Variants in FAM222B observed in about 807,000 individuals in gnomAD.
FAM222B encodes family with sequence similarity 222 member B.
A neutral mutation model predicts 38.0 loss-of-function variants in FAM222B; 12 were observed. The ratio of observed to expected loss-of-function variants is 0.32; its 90% CI spans 0.20 to 0.51. The LOEUF is 0.51. Ranked by LOEUF, FAM222B falls within the 20% of genes least tolerant of loss-of-function variation. The pLI is 0.97. For synonymous variants in FAM222B, 329 were observed against 317.2 expected (o/e 1.04, Z -0.40); for missense variants, 716 against 754.2 (o/e 0.95, Z 0.59).
At chr17:28,817,488 C>T (rs1567880920) in intron 1 of FAM222B, among the ~76,000 whole-genome samples, 1 of 151,546 alleles carries the variant, frequency 6.6e-6, no homozygotes, top group African/African-American at 2.4e-5. Flanking sequence ...CTTTGGGAGG[C>T]CGAGGCTGGA....
Position 28,759,009 on chromosome 17 carries a change from G to A in FAM222B, c.950C>T (p.Thr317Ile), listed in dbSNP as rs1028301133. The A allele has an allele frequency of 1.2e-6, 2 of 1,612,946 alleles. No homozygotes were observed. Among genetic ancestry groups the A allele is most frequent in the African/African-American group, 1.3e-5 (1 of 74,940 alleles). ...STRVSTHSVP[T>I]PMPSCVVNPM... Reference sequence around the variant, plus strand: ...ATTGACCACACATGAAGGCATTGGTGTGGGGACGCTGTGGGTCGACACCCG... The same window carrying A: ...ATTGACCACACATGAAGGCATTGGTATGGGGACGCTGTGGGTCGACACCCG... Residue 317 changes from threonine to isoleucine, a missense_variant, in exon 3 of 3, where the codon ACA becomes ATA. By Grantham distance (89) the Thr-to-Ile change is moderately conservative (BLOSUM62 -1). Transcript: ENST00000581407. The surrounding 1 kb of genome is among the most constrained non-coding windows in gnomAD (Gnocchi z 4.8).
chr17:28,761,638 A>G (rs527424964), intron 2 of FAM222B, among the ~76,000 whole-genome samples: 31 of 152,036 alleles, frequency 2.0e-4, no homozygotes, highest in Non-Finnish European at 4.3e-4. Context: ...CTGGTTAGCA[A>G]CTCCTGCTCT....
intron 1 of FAM222B, among the ~76,000 whole-genome samples, chr17:28,818,278 C>T (rs2038094369): frequency 6.6e-6 from 1 of 151,966 alleles, no homozygotes; most frequent in African/African-American, 2.4e-5. Flanking sequence ...CCTGTAATCC[C>T]AGCACTTTGG....
At chr17:28,809,401 G>T (rs2037640145) in intron 1 of FAM222B, among the ~76,000 whole-genome samples, 1 of 151,316 alleles carries the variant, frequency 6.6e-6, no homozygotes, top group Non-Finnish European at 1.5e-5. Flanking sequence ...TAAGCAGGTT[G>T]GATAAAAACA....
At chr17:28,812,618 G>A (rs1349952765) in intron 1 of FAM222B, among the ~76,000 whole-genome samples, 2 of 152,104 alleles carry the variant, frequency 1.3e-5, no homozygotes, top group Non-Finnish European at 2.9e-5. Flanking sequence ...CCCGCTACCC[G>A]CGGACCCGGC....
At chr17:28,832,652 A>C (rs1052179414) in intron 1 of FAM222B, among the ~76,000 whole-genome samples, 10 of 152,212 alleles carry the variant, frequency 6.6e-5, no homozygotes, top group Non-Finnish European at 2.9e-5. Flanking sequence ...TATAATTGAG[A>C]GTTAACTTGT....
Position 28,815,509 on chromosome 17 carries a change from C to T in FAM222B, c.-41+27173G>A, listed in dbSNP as rs573640793. Among the ~76,000 whole-genome samples the T allele has an allele frequency of 5.9e-5, 9 of 151,974 alleles. No individual in the cohort carries two copies. The South Asian group carries it at 1.5e-3, about 25-fold the overall frequency. Reference sequence around the variant, plus strand: ...GATTACAGGCGTGAGCCACCGTGCCCGGCCTTTATTACATCTTTTAAAAAA... The same window carrying T: ...GATTACAGGCGTGAGCCACCGTGCCTGGCCTTTATTACATCTTTTAAAAAA... On this transcript the variant is annotated intron_variant, in intron 1 of 2. Coordinates refer to ENST00000581407, the MANE Select transcript of FAM222B (RefSeq NM_001077498.3).
At chr17:28,822,896 T>C (rs1469217367) in intron 1 of FAM222B, among the ~76,000 whole-genome samples, 1 of 123,412 alleles carries the variant, frequency 8.1e-6, no homozygotes, top group Admixed American at 9.4e-5. Context: ...CACACACATA[T>C]ATGAATATAG....
intron 1 of FAM222B, among the ~76,000 whole-genome samples, chr17:28,798,653 G>A (rs200691891): frequency 1.0e-5 from 1 of 96,354 alleles, no homozygotes; most frequent in Non-Finnish European, 2.4e-5. Flanking sequence ...TTTTTTTTTT[G>A]AAACGGAGTC....
rs145166376 is a variant in FAM222B, at chr17:28,770,365, T to C, written c.-40-3658A>G. On this transcript the variant is annotated intron_variant, in intron 1 of 2. Transcript: ENST00000581407. ...CAGAGCCCAGGACTGAAACCTAGAT[T>C]TGACTTTTCCCAAAGCCTGTGGCTC... Among the ~76,000 whole-genome samples the C allele has an allele frequency of 6.6e-5, 10 of 152,336 alleles. No homozygotes were observed. In the East Asian group the frequency reaches 1.3e-3, roughly 21 times the overall value.
rs559624246 is a variant in FAM222B, at chr17:28,784,491, TAAAAAAAAAAAAAAAAAAAAAAAA to T, written c.-40-17808_-40-17785del. Among the ~76,000 whole-genome samples, 100 of 36,052 alleles carry T rather than the reference TAAAAAAAAAAAAAAAAAAAAAAAA, an allele frequency of 2.8e-3. 2 individuals carry two copies. The highest frequency in any genetic ancestry group is 0.02 in the East Asian group (18 of 916). The allele number at this position is 36,052 out of a possible 152,430, so 23.7% of individuals were successfully genotyped here. ...AACAACAGAGTAAGATCCCCTCTCTTAAAAAAAAAAAAAAAAAAAAAAAAAAAAAAAAAAAAAAAAGGCAATAAT... is the reference window on the plus strand; with the variant it reads ...AACAACAGAGTAAGATCCCCTCTCTTAAAAAAAAAAAAAAAAGGCAATAAT... On this transcript the variant is annotated intron_variant, in intron 1 of 2. Coordinates refer to ENST00000581407, the MANE Select transcript of FAM222B (RefSeq NM_001077498.3).
At chr17:28,825,662 G>T (rs953999105) in intron 1 of FAM222B, among the ~76,000 whole-genome samples, 1 of 152,026 alleles carries the variant, frequency 6.6e-6, no homozygotes, top group African/African-American at 2.4e-5. Context: ...TATACTCCTA[G>T]ATCTTAAATG....
intron 1 of FAM222B, among the ~76,000 whole-genome samples, chr17:28,798,012 G>A (rs915821759): frequency 2.6e-5 from 4 of 151,990 alleles, no homozygotes; most frequent in Non-Finnish European, 5.9e-5. Context: ...AGCCATGATC[G>A]TGCCATTACA....
chr17:28,798,174 G>A (rs2037033379), intron 1 of FAM222B, among the ~76,000 whole-genome samples: 1 of 152,124 alleles, frequency 6.6e-6, no homozygotes, highest in South Asian at 2.1e-4. Flanking sequence ...GCAGACTGCA[G>A]GAGTCCAAGA....
intron 1 of FAM222B, among the ~76,000 whole-genome samples, chr17:28,797,680 CT>C (rs1380430411): frequency 6.6e-6 from 1 of 152,054 alleles, no homozygotes; most frequent in Non-Finnish European, 1.5e-5. Flanking sequence ...TTTCAAAGTG[CT>C]TTTTCACATG....
intron 1 of FAM222B, among the ~76,000 whole-genome samples, chr17:28,767,736 A>G (rs981188191): frequency 6.6e-6 from 1 of 152,118 alleles, no homozygotes; most frequent in Non-Finnish European, 1.5e-5. Flanking sequence ...TCAGCTTCCC[A>G]AAGTGCTGTG....
chr17:28,838,081 C>T (rs2038911294), intron 1 of FAM222B, among the ~76,000 whole-genome samples: 1 of 151,968 alleles, frequency 6.6e-6, no homozygotes, highest in African/African-American at 2.4e-5. Flanking sequence ...GACTGGCCAG[C>T]ATGGTGAAAC....
Position 28,841,227 on chromosome 17 carries a change from G to A in FAM222B, c.-41+1455C>T, listed in dbSNP as rs887222023. On this transcript the variant is annotated intron_variant, in intron 1 of 2. Coordinates refer to ENST00000581407, the MANE Select transcript of FAM222B (RefSeq NM_001077498.3). The stretch of plus-strand genomic sequence containing the variant: ...GGAGAATCGCTTGAACCCGGGAGGC[G>A]GAGGTTGCTGTGAGCCGAGATGATG... Among the ~76,000 whole-genome samples, 3 of 152,040 alleles carry A rather than the reference G, an allele frequency of 2.0e-5. No homozygotes were observed. The South Asian group carries it at 6.2e-4, about 31-fold the overall frequency.
chr17:28,839,771 G>A (rs1208744718), intron 1 of FAM222B, among the ~76,000 whole-genome samples: 1 of 152,070 alleles, frequency 6.6e-6, no homozygotes, highest in Non-Finnish European at 1.5e-5. Flanking sequence ...TATTGGGACG[G>A]TCAAGGAACT....
Sources: allele counts gnomAD v4.1 joint callset (sites outside exome capture counted in the v4.1 genomes callset), GRCh38; gene constraint gnomAD v4.1.1; non-coding constraint Gnocchi (gnomAD v3.1); transcripts MANE v1.5; gene names NCBI Gene and HGNC (gene_info 2026-07-23, HGNC 2026-07-21).